The following KALRN variants were observed in gnomAD, a reference collection of about 807,000 sequenced individuals.
The protein encoded by KALRN is kalirin.
Under a neutral mutation model 353.7 loss-of-function variants are expected in KALRN, and 70 were observed. The observed-to-expected ratio is 0.20, with a 90% confidence interval of 0.16 to 0.24. The LOEUF is 0.24. Ranked by LOEUF, KALRN falls within the 10% of genes least tolerant of loss-of-function variation. The probability of loss-of-function intolerance (pLI) is 1.00; values close to 1 mark genes in which losing one functional copy is unlikely to be tolerated. For synonymous variants in KALRN, 1,391 were observed against 1,434.8 expected, an observed-to-expected ratio of 0.97 and a Z score of 0.69; for missense variants, 2,791 against 3,756.7, an observed-to-expected ratio of 0.74 and a Z score of 6.72.
chr3:124,201,474 G>A (rs2075935895), intron 1 of KALRN, among the ~76,000 whole-genome samples: 1 of 151,976 alleles, frequency 6.6e-6, no homozygotes, highest in South Asian at 2.1e-4. Context: ...CTTTGTGTGT[G>A]TTTTCTTTTT....
At chr3:124,232,062 A>G (rs1389968035) in intron 2 of KALRN, among the ~76,000 whole-genome samples, 1 of 152,110 alleles carries the variant, frequency 6.6e-6, no homozygotes, top group Non-Finnish European at 1.5e-5. Flanking sequence ...TTGGGAGAGG[A>G]TGGATATGAG....
intron 33 of KALRN, 88 bp from the exon 34 acceptor site, chr3:124,562,755 T>TCATC: frequency 8.5e-7 from 1 of 1,173,772 alleles, no homozygotes; most frequent in East Asian, 5.9e-5. Flanking sequence ...CACACATCCT[T>TCATC]CGTCCCCTCT....
intron 1 of KALRN, among the ~76,000 whole-genome samples, chr3:124,170,753 C>G (rs574287495): frequency 4.7e-5 from 7 of 149,454 alleles, no homozygotes; most frequent in African/African-American, 9.9e-5. Flanking sequence ...TTTTTTGAAG[C>G]CTGCAGAGTC....
At chr3:124,041,727 A>G (rs554782371) in intron 1 of KALRN, among the ~76,000 whole-genome samples, 10 of 152,294 alleles carry the variant, frequency 6.6e-5, no homozygotes, top group Admixed American at 5.2e-4. Flanking sequence ...TGCAGAGGAA[A>G]GTTCAGAGTC....
At position 124,334,708 on chromosome 3, in the gene KALRN, C is replaced by T. The variant is rs1389475195; in HGVS notation, c.1647+213C>T. On this transcript the variant is annotated intron_variant, in intron 9 of 59. Transcript: ENST00000682506. The surrounding 1 kb of genome is among the most constrained non-coding windows in gnomAD (Gnocchi z 4.2). The stretch of plus-strand genomic sequence containing the variant: ...TTTCTTGCCTAAGTGACTGTATAGA[C>T]TGGCCTTCTCACCACGTGGTATTGT... Among the ~76,000 whole-genome samples the T allele has an allele frequency of 6.6e-6, 1 of 152,248 alleles. No homozygotes were observed. Among genetic ancestry groups the T allele is most frequent in the East Asian group, 1.9e-4 (1 of 5,202 alleles).
chr3:124,471,094 G>A (rs531184995), intron 25 of KALRN, among the ~76,000 whole-genome samples: 4 of 152,004 alleles, frequency 2.6e-5, no homozygotes, highest in Non-Finnish European at 4.4e-5. Context: ...TGGGGAAGAG[G>A]GTCAGATACA....
chr3:124,269,061 C>T lies in KALRN; in HGVS notation c.775C>T (p.Arg259Cys). The T allele has an allele frequency of 2.5e-6, 4 of 1,612,482 alleles. No homozygotes were observed. The highest frequency in any genetic ancestry group is 1.7e-5 in the Admixed American group (1 of 59,814). ...REGQRLLQCI[R>C]CSDGFSGRNC... ...GGGGCAGCGGCTGCTGCAGTGCATC[C>T]GCTGCAGCGACGGCTTCTCAGGACG... Residue 259 changes from arginine to cysteine, a missense_variant, in exon 5 of 60, where the codon CGC becomes TGC. This residue lies in a region of KALRN where 366 missense variants were observed against 489.2 expected (regional missense o/e 0.75). Transcript: ENST00000682506.
chr3:124,277,207 T>C (rs897773136), intron 5 of KALRN, among the ~76,000 whole-genome samples: 1 of 152,144 alleles, frequency 6.6e-6, no homozygotes. Context: ...GAGCCCTTCA[T>C]GTTGGGAGGG....
At chr3:124,089,164 A>G (rs762135088) in intron 1 of KALRN, among the ~76,000 whole-genome samples, 3 of 152,240 alleles carry the variant, frequency 2.0e-5, no homozygotes, top group Non-Finnish European at 4.4e-5. Flanking sequence ...TTTCCTTTTG[A>G]TATGGTTGAA....
Position 124,128,340 on chromosome 3 carries a change from C to T in KALRN, c.73+94527C>T, listed in dbSNP as rs959317198. Among the ~76,000 whole-genome samples, 14 of 152,300 alleles carry T rather than the reference C, an allele frequency of 9.2e-5. 1 individual carries two copies. The highest frequency in any genetic ancestry group is 3.4e-3 in the Middle Eastern group (1 of 294). On this transcript the variant is annotated intron_variant, in intron 1 of 59. Coordinates refer to ENST00000682506, the MANE Select transcript of KALRN (RefSeq NM_001388419.1). ...TTGTTTGTCTGGTGGCCATTCCTCA[C>T]CCCTCTCTCCACTTGCTACTTTTTG...
At chr3:124,473,526 T>C (rs1463864729) in intron 25 of KALRN, among the ~76,000 whole-genome samples, 1 of 152,232 alleles carries the variant, frequency 6.6e-6, no homozygotes, top group Non-Finnish European at 1.5e-5. Flanking sequence ...TTGCATGTTC[T>C]ACATATTCTT....
At chr3:124,585,259 T>C (rs2075048378) in intron 34 of KALRN, among the ~76,000 whole-genome samples, 1 of 152,198 alleles carries the variant, frequency 6.6e-6, no homozygotes, top group South Asian at 2.1e-4. Context: ...GTCCCTATAG[T>C]GGCGGAGAAG....
At chr3:124,161,349 C>T (rs1305970079) in intron 1 of KALRN, among the ~76,000 whole-genome samples, 1 of 152,152 alleles carries the variant, frequency 6.6e-6, no homozygotes. Flanking sequence ...ATTGTTAATG[C>T]TTTTGGATGG....
chr3:124,327,428 G>A (rs1287526464), intron 7 of KALRN, among the ~76,000 whole-genome samples: 2 of 152,126 alleles, frequency 1.3e-5, no homozygotes, highest in African/African-American at 4.8e-5. Context: ...TTTGTCAGTT[G>A]CAACCATAGG....
chr3:124,438,158 A>G (rs1005501871), intron 17 of KALRN, among the ~76,000 whole-genome samples: 2 of 152,058 alleles, frequency 1.3e-5, no homozygotes, highest in African/African-American at 4.8e-5. Flanking sequence ...TTTTTCCACT[A>G]TGGGACCCAG....
chr3:124,717,095 C>A, intron 58 of KALRN, 152 bp from the exon 59 acceptor site: 1 of 553,660 alleles, frequency 1.8e-6, no homozygotes, highest in Non-Finnish European at 3.0e-6. Context: ...TAACTTTAGG[C>A]TCTAACTAAA....
intron 18 of KALRN, among the ~76,000 whole-genome samples, chr3:124,440,354 C>T (rs1362162778): frequency 1.3e-5 from 2 of 151,916 alleles, no homozygotes; most frequent in East Asian, 1.9e-4. Flanking sequence ...TCCATATGTC[C>T]CTGAAACCAT....
chr3:124,278,373 A>T (rs1040286877), intron 5 of KALRN, among the ~76,000 whole-genome samples: 3 of 151,954 alleles, frequency 2.0e-5, no homozygotes, highest in Admixed American at 6.6e-5. Context: ...TGGTCCAAGC[A>T]AAAAGGAGAC....
In KALRN at chr3:124,666,507, T is replaced by G. The variant is rs750279317; in HGVS notation, c.6404T>G (p.Leu2135Arg). 1 of 1,614,088 alleles carries G rather than the reference T, an allele frequency of 6.2e-7. No individual in the cohort carries two copies. The highest frequency in any genetic ancestry group is 1.7e-5 in the Admixed American group (1 of 60,026). The change falls in exon 46 of 60, where the codon CTG (leucine) becomes CGG (arginine). Residue 2135 changes from leucine (L) to arginine (R), a missense_variant. Around this residue, in one of 11 missense-constraint regions of KALRN, gnomAD observed 1,065 missense variants for 1,156.4 expected, o/e 0.92. Transcript: ENST00000682506. ...CAGGACACATTCTATGTGATCGAGC[T>G]GGATGCAGGCATGCAGTCCCGGACC... ...LQQDTFYVIE[L>R]DAGMQSRTKE...
Sources: gnomAD v4.1 joint callset for allele counts (sites outside exome capture counted in the v4.1 genomes callset) on GRCh38, gnomAD v4.1.1 for gene constraint, gnomAD v4.1.1 regional missense constraint, Gnocchi (gnomAD v3.1) non-coding constraint, MANE v1.5 for transcripts, NCBI Gene and HGNC (gene_info 2026-07-23, HGNC 2026-07-21) for gene names.